Variants in CDH18 observed in about 807,000 individuals in gnomAD.
CDH18 encodes cadherin-18.
A neutral mutation model predicts 67.9 loss-of-function variants in CDH18; 31 were observed. That is an observed-to-expected ratio of 0.46 (90% CI 0.34 to 0.62). The LOEUF (loss-of-function observed/expected upper bound fraction) is 0.62. Ranked by LOEUF, CDH18 falls within the 20% of genes least tolerant of loss-of-function variation. The pLI is 0.01. For synonymous variants in CDH18, 362 were observed against 347.2 expected, an observed-to-expected ratio of 1.04 and a Z score of -0.48; for missense variants, 890 against 975.5, an observed-to-expected ratio of 0.91 and a Z score of 1.17.
At chr5:19,817,025 A>C (rs2149924578) in intron 3 of CDH18, among the ~76,000 whole-genome samples, 1 of 152,042 alleles carries the variant, frequency 6.6e-6, no homozygotes, top group African/African-American at 2.4e-5. Flanking sequence ...TAGGGCTGAT[A>C]AGTTAAACAG....
At chr5:19,765,435 T>G (rs1772951988) in intron 3 of CDH18, among the ~76,000 whole-genome samples, 1 of 151,856 alleles carries the variant, frequency 6.6e-6, no homozygotes, top group African/African-American at 2.4e-5. Flanking sequence ...TATTCAAAAA[T>G]TATTTGTTTG....
At chr5:19,741,138 A>G (rs1216686236) in intron 4 of CDH18, among the ~76,000 whole-genome samples, 6 of 63,816 alleles carry the variant, frequency 9.4e-5, no homozygotes, top group Non-Finnish European at 2.7e-4. Context: ...GTAAATATAC[A>G]TGTATATGTA....
chr5:20,038,862 A>C (rs1740138468), intron 2 of CDH18, among the ~76,000 whole-genome samples: 1 of 152,126 alleles, frequency 6.6e-6, no homozygotes. Context: ...GGAAAGAGAA[A>C]GAAATAACAA....
chr5:19,573,470 C>T (rs909853469), intron 7 of CDH18, among the ~76,000 whole-genome samples: 3 of 151,912 alleles, frequency 2.0e-5, no homozygotes, highest in Non-Finnish European at 4.4e-5. Context: ...AGTAGAGACG[C>T]GGTTTCACCG....
chr5:19,630,541 C>G (rs537891962), intron 5 of CDH18, among the ~76,000 whole-genome samples: 4 of 151,820 alleles, frequency 2.6e-5, no homozygotes, highest in Non-Finnish European at 5.9e-5. Context: ...GTCAGGTGGT[C>G]CATGATACTA....
intron 1 of CDH18, among the ~76,000 whole-genome samples, chr5:20,343,607 T>C (rs1561989408): frequency 6.6e-6 from 1 of 152,110 alleles, no homozygotes; most frequent in East Asian, 1.9e-4. Context: ...GGATATACAA[T>C]GGTCACCCTG....
At chr5:19,755,845 T>C (rs1771534456) in intron 3 of CDH18, among the ~76,000 whole-genome samples, 2 of 151,910 alleles carry the variant, frequency 1.3e-5, no homozygotes, top group African/African-American at 4.8e-5. Flanking sequence ...TCTGCCTGCT[T>C]TGTATTTGCT....
chr5:19,793,689 G>T (rs1266774284), intron 3 of CDH18, among the ~76,000 whole-genome samples: 1 of 152,016 alleles, frequency 6.6e-6, no homozygotes, highest in Non-Finnish European at 1.5e-5. Context: ...AATATGTACA[G>T]CTTAGCCTTT....
chr5:20,005,589 C>CACACAT (rs1736836948), intron 2 of CDH18, among the ~76,000 whole-genome samples: 1 of 151,804 alleles, frequency 6.6e-6, no homozygotes, highest in South Asian at 2.1e-4. Flanking sequence ...TACATATACA[C>CACACAT]ACACATACAT....
At chr5:19,490,392 C>CTTTTTTTT (rs1561183202) in intron 11 of CDH18, among the ~76,000 whole-genome samples, 9 of 40,312 alleles carry the variant, frequency 2.2e-4, no homozygotes, top group African/African-American at 8.3e-4. Context: ...ATATAAAAAT[C>CTTTTTTTT]TGTTTTTTTT....
chr5:20,300,309 T>C (rs950503458), intron 1 of CDH18, among the ~76,000 whole-genome samples: 3 of 146,078 alleles, frequency 2.1e-5, no homozygotes, highest in South Asian at 2.1e-4. Context: ...TGTGCGTGTG[T>C]GTGTGTGTGT....
chr5:20,233,662 A>T (rs1329502287), intron 2 of CDH18, among the ~76,000 whole-genome samples: 1 of 151,962 alleles, frequency 6.6e-6, no homozygotes, highest in Admixed American at 6.6e-5. Context: ...TTGCATGTGT[A>T]TTTATTTAAG....
chr5:20,163,450 C>G (rs1416309303), intron 2 of CDH18, among the ~76,000 whole-genome samples: 2 of 152,070 alleles, frequency 1.3e-5, no homozygotes, highest in Non-Finnish European at 2.9e-5. Context: ...CTTGTATTGT[C>G]TTGTTGAAGA....
chr5:19,687,640 G>T (rs1373910231), intron 5 of CDH18, among the ~76,000 whole-genome samples: 2 of 152,174 alleles, frequency 1.3e-5, no homozygotes, highest in East Asian at 3.9e-4. Context: ...CTCCAGTGCA[G>T]TTTCACATGC....
At chr5:20,024,878 A>G (rs1049984971) in intron 2 of CDH18, among the ~76,000 whole-genome samples, 1 of 152,160 alleles carries the variant, frequency 6.6e-6, no homozygotes, top group Non-Finnish European at 1.5e-5. Flanking sequence ...CAGGCAGTGG[A>G]TTTGAATACT....
chr5:20,296,134 A>G (rs1747492107), intron 1 of CDH18, among the ~76,000 whole-genome samples: 1 of 151,560 alleles, frequency 6.6e-6, no homozygotes, highest in Non-Finnish European at 1.5e-5. Context: ...TCAGCCTCCC[A>G]AAGTGCTGGG....
chr5:19,938,967 AT>A (rs200492955), intron 2 of CDH18, among the ~76,000 whole-genome samples: 2 of 151,112 alleles, frequency 1.3e-5, no homozygotes, highest in African/African-American at 2.4e-5. Flanking sequence ...CATTTGGACC[AT>A]TTTTTTGTTT....
intron 2 of CDH18, among the ~76,000 whole-genome samples, chr5:19,916,186 A>G (rs1307902618): frequency 6.6e-6 from 1 of 152,116 alleles, no homozygotes; most frequent in Non-Finnish European, 1.5e-5. Context: ...AACTATCAAG[A>G]GCCACACGTC....
intron 2 of CDH18, among the ~76,000 whole-genome samples, chr5:19,922,484 T>C (rs545009025): frequency 2.6e-5 from 4 of 152,236 alleles, no homozygotes; most frequent in Non-Finnish European, 4.4e-5. Flanking sequence ...CATCAAATGC[T>C]ATCATGCAGC....
Sources: allele counts gnomAD v4.1 joint callset (sites outside exome capture counted in the v4.1 genomes callset), GRCh38; gene constraint gnomAD v4.1.1; transcripts MANE v1.5; gene names NCBI Gene and HGNC (gene_info 2026-07-23, HGNC 2026-07-21).